Variants in ZFAT observed in about 807,000 individuals in gnomAD.
ZFAT encodes zinc finger and AT-hook domain containing.
In ZFAT, 64 loss-of-function variants were observed where a neutral mutation model predicts 117.7. The ratio of observed to expected loss-of-function variants is 0.54; its 90% confidence interval spans 0.44 to 0.67. The LOEUF (loss-of-function observed/expected upper bound fraction) is 0.67, where lower values mean the gene tolerates loss of function less well. Among genes scored for constraint, ZFAT ranks in the 30% least tolerant of loss-of-function variants. The pLI, the probability that ZFAT is intolerant of heterozygous loss-of-function variation, is 0.00. For missense variants in ZFAT, 1,433 were observed against 1,584.5 expected (o/e 0.90, Z 1.62); for synonymous variants, 679 against 615.0 (o/e 1.10, Z -1.54).
intron 10 of ZFAT, among the ~76,000 whole-genome samples, chr8:134,579,141 T>TG (rs1478137841): frequency 6.6e-6 from 1 of 152,120 alleles, no homozygotes; most frequent in Admixed American, 6.5e-5. Context: ...ACGCTAAGCT[T>TG]GGGGGGCCAG....
At chr8:134,560,156 C>A (rs1217257048) in intron 11 of ZFAT, among the ~76,000 whole-genome samples, 1 of 152,156 alleles carries the variant, frequency 6.6e-6, no homozygotes, top group African/African-American at 2.4e-5. Context: ...GCAGATCTCA[C>A]AAACCATTTT....
the ZFAT span, among the ~76,000 whole-genome samples, chr8:134,772,583 C>G: frequency 6.6e-6 from 1 of 152,136 alleles, no homozygotes; most frequent in Non-Finnish European, 1.5e-5. Flanking sequence ...GAAGCCATCC[C>G]CATACCATAA....
the ZFAT span, chr8:134,795,647 G>C: frequency 9.2e-5 from 14 of 152,184 alleles, no homozygotes; most frequent in African/African-American, 3.1e-4. Flanking sequence ...AAATGGGACT[G>C]GAGAACAGAT....
the ZFAT span, among the ~76,000 whole-genome samples, chr8:134,767,778 C>T: frequency 6.6e-6 from 1 of 152,072 alleles, no homozygotes; most frequent in Non-Finnish European, 1.5e-5. Flanking sequence ...TTCTCATTGT[C>T]TTTAGTTATC....
intron 15 of ZFAT, among the ~76,000 whole-genome samples, chr8:134,480,402 T>G (rs1817216229): frequency 6.6e-6 from 1 of 152,260 alleles, no homozygotes; most frequent in South Asian, 2.1e-4. Context: ...GGACCATGTC[T>G]GCCTGGTCAC....
At chr8:134,752,867 C>T in the ZFAT span, among the ~76,000 whole-genome samples, 1 of 152,136 alleles carries the variant, frequency 6.6e-6, no homozygotes, top group Non-Finnish European at 1.5e-5. Flanking sequence ...GCCCAAGTAC[C>T]TCCACAAGGC....
intron 6 of ZFAT, 38 bp from the exon 7 acceptor site, chr8:134,600,706 A>G (rs1054577595): frequency 1.7e-5 from 25 of 1,435,836 alleles, no homozygotes; most frequent in Admixed American, 1.2e-4. Flanking sequence ...AGGAAGTTTC[A>G]TTTTGACTGA....
intron 15 of ZFAT, among the ~76,000 whole-genome samples, chr8:134,499,218 G>T (rs1431071973): frequency 7.5e-6 from 1 of 132,932 alleles, no homozygotes; most frequent in Non-Finnish European, 1.6e-5. Context: ...GGGTGGAGCT[G>T]GGATGCCCCC....
At chr8:134,589,967 AGCCCTG>A (rs1826342164) in intron 8 of ZFAT, among the ~76,000 whole-genome samples, 1 of 152,224 alleles carries the variant, frequency 6.6e-6, no homozygotes, top group African/African-American at 2.4e-5. Flanking sequence ...TTATGACAAC[AGCCCTG>A]CCTCATATGC....
intron 3 of ZFAT, among the ~76,000 whole-genome samples, chr8:134,628,379 G>T (rs1453606384): frequency 6.6e-6 from 1 of 152,186 alleles, no homozygotes; most frequent in Non-Finnish European, 1.5e-5. Flanking sequence ...TCAGGGTGCA[G>T]AGCAGGCAGC....
chr8:134,654,054 T>C (rs1586898238), intron 2 of ZFAT, among the ~76,000 whole-genome samples: 1 of 152,170 alleles, frequency 6.6e-6, no homozygotes. Context: ...CTCAGTACTT[T>C]GGGAGGCTGA....
At chr8:134,812,132 A>C in the ZFAT span, among the ~76,000 whole-genome samples, 2 of 152,160 alleles carry the variant, frequency 1.3e-5, no homozygotes, top group African/African-American at 4.8e-5. Context: ...CGACAAGAGC[A>C]AGACTCTGTA....
At chr8:134,551,271 T>A (rs1823147829) in intron 11 of ZFAT, among the ~76,000 whole-genome samples, 1 of 152,194 alleles carries the variant, frequency 6.6e-6, no homozygotes. Context: ...CCTGAGCACA[T>A]TACTAAAATA....
chr8:134,747,232 G>T, the ZFAT span, among the ~76,000 whole-genome samples: 5 of 152,022 alleles, frequency 3.3e-5, no homozygotes, highest in Non-Finnish European at 7.4e-5. Flanking sequence ...AGAACCACAG[G>T]CACATGCCAC....
intron 1 of ZFAT, among the ~76,000 whole-genome samples, chr8:134,697,555 G>A (rs1833899719): frequency 2.0e-5 from 3 of 149,614 alleles, no homozygotes; most frequent in African/African-American, 4.9e-5. Flanking sequence ...GCGAAACCCC[G>A]TCTCTACTAA....
intron 8 of ZFAT, among the ~76,000 whole-genome samples, chr8:134,588,762 T>C (rs978024712): frequency 2.0e-5 from 3 of 152,148 alleles, no homozygotes; most frequent in African/African-American, 7.2e-5. Context: ...AACCACTAGA[T>C]GCAAATGCAT....
chr8:134,814,918 C>A, the ZFAT span, among the ~76,000 whole-genome samples: 1 of 152,152 alleles, frequency 6.6e-6, no homozygotes, highest in South Asian at 2.1e-4. Flanking sequence ...GCCTCAAGAA[C>A]CTGTCATCCT....
the ZFAT span, among the ~76,000 whole-genome samples, chr8:134,802,723 T>C: frequency 3.9e-5 from 6 of 152,322 alleles, no homozygotes; most frequent in South Asian, 2.1e-4. Context: ...GTAGAACAAA[T>C]CTTAAATAAT....
At chr8:134,577,158 G>T (rs896107025) in intron 10 of ZFAT, among the ~76,000 whole-genome samples, 5 of 152,058 alleles carry the variant, frequency 3.3e-5, no homozygotes, top group African/African-American at 1.2e-4. Flanking sequence ...ACATCCTGTT[G>T]GCATACACAC....
Sources: allele counts gnomAD v4.1 joint callset (sites outside exome capture counted in the v4.1 genomes callset), GRCh38; gene constraint gnomAD v4.1.1; transcripts MANE v1.5; gene names NCBI Gene and HGNC (gene_info 2026-07-23, HGNC 2026-07-21).